CCDC73: variants seen among roughly 807,000 people sequenced by gnomAD.
The protein encoded by CCDC73 is coiled-coil domain containing 73.
Under a neutral mutation model 116.5 loss-of-function variants are expected in CCDC73, and 95 were observed. The observed-to-expected ratio is 0.82, with a 90% confidence interval of 0.69 to 0.97. The LOEUF (loss-of-function observed/expected upper bound fraction) is 0.97. Among genes scored for constraint, CCDC73 ranks in the 50% least tolerant of loss-of-function variants. The pLI is 0.00. For missense variants in CCDC73, 1,066 were observed against 1,206.8 expected (o/e 0.88, Z 1.73); for synonymous variants, 398 against 401.3 (o/e 0.99, Z 0.10).
At chr11:32,723,398 CTT>C (rs1850006310) in intron 2 of CCDC73, among the ~76,000 whole-genome samples, 1 of 152,100 alleles carries the variant, frequency 6.6e-6, no homozygotes, top group African/African-American at 2.4e-5. Flanking sequence ...AAATATTTCT[CTT>C]GAGTACTTTT....
chr11:32,630,098 G>T (rs1018526091), intron 14 of CCDC73, among the ~76,000 whole-genome samples: 2 of 152,006 alleles, frequency 1.3e-5, no homozygotes, highest in African/African-American at 4.8e-5. Flanking sequence ...ATAATTCTCT[G>T]AAATAAATAA....
the CCDC73 span, among the ~76,000 whole-genome samples, chr11:32,826,660 C>CAAAAAAAAAAACCAAAAAAAAAAAAAAAA: frequency 7.5e-6 from 1 of 133,264 alleles, no homozygotes. Context: ...AAAAAAAAAA[C>CAAAAAAAAAAACCAAAAAAAAAAAAAAAA]AAAAAAAAAA....
intron 17 of CCDC73, among the ~76,000 whole-genome samples, chr11:32,607,523 T>C (rs1855370394): frequency 6.6e-6 from 1 of 152,228 alleles, no homozygotes; most frequent in Non-Finnish European, 1.5e-5. Context: ...TGTTTGAAAG[T>C]AGAACAGCTA....
intron 1 of CCDC73, among the ~76,000 whole-genome samples, chr11:32,791,209 A>C (rs1850673049): frequency 6.6e-6 from 1 of 152,248 alleles, no homozygotes; most frequent in Non-Finnish European, 1.5e-5. Flanking sequence ...TGTCAATATT[A>C]GCAAATAAAC....
chr11:32,650,626 C>T (rs1367329962), intron 12 of CCDC73, among the ~76,000 whole-genome samples: 1 of 152,020 alleles, frequency 6.6e-6, no homozygotes, highest in Non-Finnish European at 1.5e-5. Context: ...TTTTGCTAGT[C>T]TTATATCAGA....
intron 9 of CCDC73, 127 bp from the exon 10 acceptor site, chr11:32,655,099 T>TG: frequency 2.8e-5 from 2 of 72,296 alleles, no homozygotes; most frequent in Non-Finnish European, 5.2e-5. Context: ...CCCTTGCAAG[T>TG]TCCCTTGCAA....
rs144978260 is a variant in CCDC73 at position 32,653,530 on chromosome 11, C to T, written c.835-303G>A. Among the ~76,000 whole-genome samples the T allele has an allele frequency of 7.2e-5, 11 of 152,158 alleles. No homozygotes were observed. The East Asian group carries it at 1.9e-3, about 27-fold the overall frequency. ...CCACCTCCCAACAGTAAATATATCA[C>T]TACTAAAATGTCATATGAGGTATAA... On this transcript the variant is annotated intron_variant, in intron 11 of 17. Coordinates refer to ENST00000335185, the MANE Select transcript of CCDC73 (RefSeq NM_001008391.4).
intron 2 of CCDC73, among the ~76,000 whole-genome samples, chr11:32,728,531 A>C (rs1054861208): frequency 2.6e-5 from 4 of 152,060 alleles, no homozygotes; most frequent in African/African-American, 9.7e-5. Flanking sequence ...TTACTAGATA[A>C]TAATATTTAG....
the CCDC73 span, among the ~76,000 whole-genome samples, chr11:32,805,853 C>G: frequency 1.3e-5 from 2 of 152,164 alleles, no homozygotes; most frequent in Admixed American, 6.6e-5. Context: ...TCAACTGGAG[C>G]TGACCAGTCA....
rs1855738062 is a variant in CCDC73 at position 32,642,070 on chromosome 11, CT to C, written c.951del (p.Asp318IlefsTer9). 1 of 1,557,724 alleles carries C rather than the reference CT, an allele frequency of 6.4e-7. No individual in the cohort carries two copies. The highest frequency in any genetic ancestry group is 1.4e-5 in the African/African-American group (1 of 72,428). ...ACCTTCTCCCTTTGCAGCTCATTAT[CT>C]CTTTCAAGGGTCTGCAATAAAATTA... ...VLKENNQTLE[R>X]DNELQREKVK... On this transcript the variant is annotated frameshift_variant, in exon 13 of 18. Transcript: ENST00000335185. LOFTEE classifies it high-confidence loss of function.
intron 2 of CCDC73, among the ~76,000 whole-genome samples, chr11:32,719,626 T>A (rs530702923): frequency 1.3e-5 from 2 of 152,200 alleles, no homozygotes; most frequent in East Asian, 1.9e-4. Context: ...GGGAAAAAAA[T>A]TAATGGAAAT....
chr11:32,771,515 T>C (rs1469245944), intron 1 of CCDC73, among the ~76,000 whole-genome samples: 1 of 152,182 alleles, frequency 6.6e-6, no homozygotes, highest in African/African-American at 2.4e-5. Context: ...GCATCTACTG[T>C]GATTATCATG....
At chr11:32,662,681 CTTTAG>C (rs1361122429) in intron 9 of CCDC73, among the ~76,000 whole-genome samples, 6 of 152,094 alleles carry the variant, frequency 3.9e-5, no homozygotes, top group African/African-American at 1.4e-4. Context: ...CGCAGAAGCT[CTTTAG>C]TTTAATTAGA....
upstream of CCDC73, among the ~76,000 whole-genome samples, chr11:32,799,036 A>G (rs1850750283): frequency 6.6e-6 from 1 of 151,174 alleles, no homozygotes; most frequent in African/African-American, 2.4e-5. Flanking sequence ...CAGCCCCACA[A>G]GTAGCTAAGA....
chr11:32,785,896 G>C (rs1208761027), intron 1 of CCDC73, among the ~76,000 whole-genome samples: 1 of 152,054 alleles, frequency 6.6e-6, no homozygotes, highest in Non-Finnish European at 1.5e-5. Flanking sequence ...TAATACCAGG[G>C]ATAATAATAC....
chr11:32,823,463 G>C, the CCDC73 span, among the ~76,000 whole-genome samples: 2 of 152,038 alleles, frequency 1.3e-5, no homozygotes, highest in African/African-American at 2.4e-5. Flanking sequence ...GACAGAGCGA[G>C]ACTCTGTCTC....
the CCDC73 span, among the ~76,000 whole-genome samples, chr11:32,807,406 C>A: frequency 6.6e-6 from 1 of 152,152 alleles, no homozygotes; most frequent in Non-Finnish European, 1.5e-5. Flanking sequence ...AGAGTAAGAG[C>A]TACCTAGAAA....
chr11:32,689,758 G>A (rs1297577141), intron 6 of CCDC73, among the ~76,000 whole-genome samples: 1 of 152,160 alleles, frequency 6.6e-6, no homozygotes, highest in Non-Finnish European at 1.5e-5. Flanking sequence ...CACTTTGGGA[G>A]GCTGAGGTGG....
chr11:32,627,855 G>A (rs1357791925), intron 14 of CCDC73, among the ~76,000 whole-genome samples: 1 of 152,096 alleles, frequency 6.6e-6, no homozygotes, highest in African/African-American at 2.4e-5. Context: ...AGCATTAGGA[G>A]ATATACCTAA....
Sources: allele counts gnomAD v4.1 joint callset (sites outside exome capture counted in the v4.1 genomes callset), GRCh38; gene constraint gnomAD v4.1.1; transcripts MANE v1.5; gene names NCBI Gene and HGNC (gene_info 2026-07-23, HGNC 2026-07-21).